Variants in ARMCX4 observed in about 807,000 individuals in gnomAD.
ARMCX4 encodes the protein armadillo repeat containing X-linked 4.
In ARMCX4, 3 loss-of-function variants were observed where a neutral mutation model predicts 34.7. The observed-to-expected ratio is 0.09, with a 90% CI of 0.04 to 0.22. ARMCX4 has a LOEUF of 0.22. Among genes scored for constraint, ARMCX4 ranks in the 10% least tolerant of loss-of-function variants. The pLI is 1.00. For missense variants in ARMCX4, 1,448 were observed against 1,720.8 expected, an observed-to-expected ratio of 0.84 and a Z score of 2.81; for synonymous variants, 513 against 632.8, an observed-to-expected ratio of 0.81 and a Z score of 2.84.
intron 2 of ARMCX4, among the ~76,000 whole-genome samples, chrX:101,433,240 GTATATATACACA>G (rs1930396089): frequency 3.2e-5 from 1 of 31,525 alleles, no homozygotes; most frequent in African/African-American, 7.4e-5. Context: ...GTACACATAT[GTATATATACACA>G]CATATATACA....
chrX:101,463,950 G>A (rs1310852923), intron 4 of ARMCX4, among the ~76,000 whole-genome samples: 2 of 110,170 alleles, frequency 1.8e-5, no homozygotes, highest in Admixed American at 9.7e-5. Context: ...TAGAGATAAG[G>A]TTTCGCCATG....
intron 3 of ARMCX4, among the ~76,000 whole-genome samples, chrX:101,445,594 TG>T (rs1931575800): frequency 8.9e-6 from 1 of 111,800 alleles, no homozygotes; most frequent in Non-Finnish European, 1.9e-5. Flanking sequence ...TAGAGAAGGG[TG>T]GAGGAATAAA....
At chrX:101,527,148 C>A (rs1229663982) in intron 11 of ARMCX4, among the ~76,000 whole-genome samples, 3 of 112,187 alleles carry the variant, frequency 2.7e-5, no homozygotes, top group African/African-American at 9.7e-5. Context: ...GATCACAGTG[C>A]AATGAAACTA....
chrX:101,460,079 C>T (rs993884448), intron 4 of ARMCX4, among the ~76,000 whole-genome samples: 6 of 112,713 alleles, frequency 5.3e-5, no homozygotes, highest in Admixed American at 9.4e-5. Flanking sequence ...ACTGGTCTGG[C>T]TAATAGACAA....
downstream of ARMCX4, among the ~76,000 whole-genome samples, chrX:101,452,347 C>T (rs1364429680): frequency 8.9e-6 from 1 of 112,057 alleles, no homozygotes; most frequent in Non-Finnish European, 1.9e-5. Flanking sequence ...TCTCTTAAGT[C>T]TTTAAATGTC....
chrX:101,452,391 CACA>C (rs1932034126), downstream of ARMCX4, among the ~76,000 whole-genome samples: 1 of 112,122 alleles, frequency 8.9e-6, no homozygotes, highest in South Asian at 3.7e-4. Context: ...ATTTTATTTT[CACA>C]ACTAGTCCCT....
At chrX:101,451,814 C>T (rs1410026140), downstream of ARMCX4, among the ~76,000 whole-genome samples, 2 of 112,294 alleles carry the variant, frequency 1.8e-5, no homozygotes, top group Non-Finnish European at 3.8e-5. Flanking sequence ...TGTTTTTTCT[C>T]TCAACTCTAT....
intron 11 of ARMCX4, among the ~76,000 whole-genome samples, chrX:101,514,358 A>G (rs1934662428): frequency 9.0e-6 from 1 of 111,674 alleles, no homozygotes; most frequent in Non-Finnish European, 1.9e-5. Context: ...TGTAGATCAC[A>G]TAAAACTTCC....
At chrX:101,424,460 G>A (rs190096058) in intron 2 of ARMCX4, among the ~76,000 whole-genome samples, 1 of 111,910 alleles carries the variant, frequency 8.9e-6, no homozygotes, top group Non-Finnish European at 1.9e-5. Context: ...CAGAAGCATA[G>A]CTTACAACCT....
intron 5 of ARMCX4, 52 bp from the exon 6 acceptor site, chrX:101,488,392 T>C (rs1198353388): frequency 2.5e-5 from 26 of 1,052,023 alleles, no homozygotes; most frequent in Non-Finnish European, 3.2e-5. Flanking sequence ...ATCTGTATGA[T>C]GCAACAAAAT....
At position 101,490,477 on chromosome X, in the gene ARMCX4, C is replaced by T; in HGVS notation, c.1888C>T (p.Pro630Ser). The T allele has an allele frequency of 8.7e-7, 1 of 1,155,144 alleles. No homozygotes were observed. Among genetic ancestry groups the T allele is most frequent in the Non-Finnish European group, 1.1e-6 (1 of 872,666 alleles). Residue 630 changes from proline to serine, a missense_variant, in exon 6 of 6, where the codon CCT becomes TCT. Physicochemically the swap from Pro to Ser is moderately conservative, Grantham distance 74 (BLOSUM62 -1). Coordinates refer to ENST00000423738, the MANE Select transcript of ARMCX4 (RefSeq NM_001256155.3). ...AGAAGGTACAACAGACTCTGCCCAGCCTGAGGCAGTGGTCAGTTTCCAGGG... is the reference window on the plus strand; with the variant it reads ...AGAAGGTACAACAGACTCTGCCCAGTCTGAGGCAGTGGTCAGTTTCCAGGG... ...AGEGTTDSAQPEAVVSFQGEA... is the reference protein window; with the variant it reads ...AGEGTTDSAQSEAVVSFQGEA...
At chrX:101,521,438 ATC>A (rs1934852020) in intron 11 of ARMCX4, among the ~76,000 whole-genome samples, 1 of 109,397 alleles carries the variant, frequency 9.1e-6, no homozygotes, top group Non-Finnish European at 1.9e-5. Flanking sequence ...GTAATTTGGG[ATC>A]TCTCTCTTTT....
intron 11 of ARMCX4, among the ~76,000 whole-genome samples, chrX:101,526,100 A>T (rs1001184951): frequency 8.9e-5 from 10 of 112,006 alleles, no homozygotes; most frequent in African/African-American, 3.2e-4. Flanking sequence ...CGGGTTACCC[A>T]CAAAGGGAAG....
At chrX:101,477,125 A>C (rs1329736929) in intron 4 of ARMCX4, among the ~76,000 whole-genome samples, 1 of 110,940 alleles carries the variant, frequency 9.0e-6, no homozygotes, top group East Asian at 2.8e-4. Flanking sequence ...GAAAACTTGA[A>C]TAGAACAATA....
intron 4 of ARMCX4, among the ~76,000 whole-genome samples, chrX:101,464,348 C>T (rs1448376316): frequency 1.8e-5 from 2 of 111,037 alleles, no homozygotes; most frequent in Non-Finnish European, 3.8e-5. Flanking sequence ...TGCATTCCAG[C>T]TTGGGCAAAA....
intron 4 of ARMCX4, among the ~76,000 whole-genome samples, chrX:101,459,485 T>C (rs1417741076): frequency 8.9e-6 from 1 of 111,857 alleles, no homozygotes; most frequent in Non-Finnish European, 1.9e-5. Flanking sequence ...CTATAATAGC[T>C]ATAATAGCTC....
intron 7 of ARMCX4, chrX:101,504,913 T>A (rs1391874202): frequency 8.9e-6 from 1 of 111,757 alleles, no homozygotes; most frequent in Admixed American, 9.5e-5. Flanking sequence ...ATATTAACAT[T>A]TCTCTTCCCC....
chrX:101,430,531 T>A (rs1296929584), intron 2 of ARMCX4, among the ~76,000 whole-genome samples: 1 of 112,628 alleles, frequency 8.9e-6, no homozygotes, highest in Non-Finnish European at 1.9e-5. Context: ...TGATTTTATT[T>A]CTTTTTGCTT....
At chrX:101,519,562 C>T (rs1934808179) in intron 11 of ARMCX4, among the ~76,000 whole-genome samples, 1 of 111,364 alleles carries the variant, frequency 9.0e-6, no homozygotes, top group South Asian at 3.8e-4. Flanking sequence ...TTTCTTTCTC[C>T]ATTCATCTTT....
Sources: allele counts gnomAD v4.1 joint callset (sites outside exome capture counted in the v4.1 genomes callset), GRCh38; gene constraint gnomAD v4.1.1; transcripts MANE v1.5; gene names NCBI Gene and HGNC (gene_info 2026-07-23, HGNC 2026-07-21).